The following ANKRD10 variants were observed in gnomAD, a reference collection of about 807,000 sequenced individuals.
ANKRD10 encodes the protein ankyrin repeat domain 10.
ANKRD10 carries 14 observed loss-of-function variants against 27.0 expected under a neutral mutation model. That is an observed-to-expected ratio of 0.52 (90% CI 0.34 to 0.81). ANKRD10 has a LOEUF of 0.81. Among genes scored for constraint, ANKRD10 ranks in the 40% least tolerant of loss-of-function variants. ANKRD10 has a pLI of 0.01. For missense variants in ANKRD10, 493 were observed against 544.0 expected, an observed-to-expected ratio of 0.91 and a Z score of 0.93; for synonymous variants, 250 against 224.5, an observed-to-expected ratio of 1.11 and a Z score of -1.01.
intron 4 of ANKRD10, among the ~76,000 whole-genome samples, chr13:110,886,717 A>G (rs1216368921): frequency 6.6e-6 from 1 of 152,130 alleles, no homozygotes; most frequent in Non-Finnish European, 1.5e-5. Context: ...ATTTAATTAC[A>G]CCTTGCATTT....
intron 4 of ANKRD10, among the ~76,000 whole-genome samples, chr13:110,890,322 T>A (rs2065040370): frequency 6.6e-6 from 1 of 152,068 alleles, no homozygotes; most frequent in African/African-American, 2.4e-5. Flanking sequence ...TGACTCCCAA[T>A]ACCCGACATC....
At position 110,907,010 on chromosome 13, in the gene ANKRD10, CAA is replaced by C. The variant is rs2065558536; in HGVS notation, c.364-888_364-887del. Among the ~76,000 whole-genome samples the C allele has an allele frequency of 3.3e-5, 5 of 152,104 alleles. No homozygotes were observed. The South Asian group carries it at 1.0e-3, about 32-fold the overall frequency. On this transcript the variant is annotated intron_variant, in intron 2 of 5. Coordinates refer to ENST00000267339, the MANE Select transcript of ANKRD10 (RefSeq NM_017664.4). ...GGGAAAGGCAATCAGACACAGCAAT[CAA>C]GAGAAGAAAGTGCTTTCCGGTGGAA...
At chr13:110,914,540 G>T in intron 1 of ANKRD10, 185 bp downstream of exon 1, 1 of 811,220 alleles carries the variant, frequency 1.2e-6, no homozygotes, top group Non-Finnish European at 1.6e-6. Context: ...CGGCTGCCCC[G>T]CCGCGACTCC....
At chr13:110,914,668 T>A in intron 1 of ANKRD10, 57 bp downstream of exon 1, 1 of 1,511,182 alleles carries the variant, frequency 6.6e-7, no homozygotes, top group Non-Finnish European at 8.9e-7. Flanking sequence ...AGACCCGCTT[T>A]CCCCGACTCC....
chr13:110,885,260 A>G (rs955852613), intron 4 of ANKRD10, among the ~76,000 whole-genome samples: 2 of 149,274 alleles, frequency 1.3e-5, no homozygotes, highest in African/African-American at 4.9e-5. Context: ...AAAGAGAGAG[A>G]AAAAAAAAAG....
At chr13:110,911,678 C>G (rs2065714845) in intron 1 of ANKRD10, 1 of 152,038 alleles carries the variant, frequency 6.6e-6, no homozygotes. Context: ...ACTCAGAAGG[C>G]TGAGACAGGA....
chr13:110,893,169 G>T lies in ANKRD10; in HGVS notation c.550C>A (p.His184Asn). 1 of 1,614,164 alleles carries T rather than the reference G, an allele frequency of 6.2e-7. No homozygotes were observed. The highest frequency in any genetic ancestry group is 1.1e-5 in the South Asian group (1 of 91,076). ...AQFLLNLQNCHLNHFYNNGIL... is the reference protein window; with the variant it reads ...AQFLLNLQNCNLNHFYNNGIL... The stretch of plus-strand genomic sequence containing the variant: ...CCATTGTTATAGAAATGGTTCAGAT[G>T]ACAATTCTGGAGGTTCAAGAGAAAC... The change falls in exon 4 of 6, where the codon CAT becomes AAT. Residue 184 changes from histidine (H) to asparagine (N), a missense_variant. His to Asn is a moderately conservative substitution (Grantham distance 68). Transcript: ENST00000267339.
chr13:110,893,995 C>G, intron 3 of ANKRD10: 1 of 735,462 alleles, frequency 1.4e-6, no homozygotes, highest in South Asian at 1.8e-5. Context: ...GCTAATAGTA[C>G]TAAAAAGGAA....
intron 5 of ANKRD10, among the ~76,000 whole-genome samples, chr13:110,881,694 T>C (rs2064823191): frequency 6.6e-6 from 1 of 152,232 alleles, no homozygotes; most frequent in Non-Finnish European, 1.5e-5. Flanking sequence ...TTTTCCTAGG[T>C]GACAAAACTC....
At chr13:110,885,608 G>C (rs943587235) in intron 4 of ANKRD10, among the ~76,000 whole-genome samples, 1 of 152,012 alleles carries the variant, frequency 6.6e-6, no homozygotes, top group African/African-American at 2.4e-5. Context: ...GGTGGTGGAA[G>C]AGCAGATCCC....
intron 4 of ANKRD10, among the ~76,000 whole-genome samples, chr13:110,885,660 G>A (rs1176576776): frequency 6.6e-6 from 1 of 152,190 alleles, no homozygotes; most frequent in Non-Finnish European, 1.5e-5. Context: ...GAGCCTTCAT[G>A]GCACGCAGAC....
chr13:110,911,038 A>C (rs1445247154), intron 1 of ANKRD10, among the ~76,000 whole-genome samples: 1 of 152,246 alleles, frequency 6.6e-6, no homozygotes, highest in African/African-American at 2.4e-5. Flanking sequence ...TTGTTTCCCT[A>C]CAATTGAATA....
At chr13:110,913,301 A>G (rs1371381690) in intron 1 of ANKRD10, among the ~76,000 whole-genome samples, 2 of 152,336 alleles carry the variant, frequency 1.3e-5, no homozygotes, top group East Asian at 3.9e-4. Context: ...GAGGGAGGAA[A>G]TCCTCAGATT....
At chr13:110,882,634 T>C (rs1229501449) in intron 5 of ANKRD10, among the ~76,000 whole-genome samples, 1 of 152,222 alleles carries the variant, frequency 6.6e-6, no homozygotes, top group African/African-American at 2.4e-5. Context: ...TTGTTATGGA[T>C]CTTTAGCTAA....
chr13:110,907,414 C>A (rs1322318283), intron 2 of ANKRD10, among the ~76,000 whole-genome samples: 1 of 152,156 alleles, frequency 6.6e-6, no homozygotes, highest in Non-Finnish European at 1.5e-5. Flanking sequence ...AACTGTGGGT[C>A]ACTTAGAAAA....
At chr13:110,888,525 T>G (rs866512330) in intron 4 of ANKRD10, among the ~76,000 whole-genome samples, 11 of 152,254 alleles carry the variant, frequency 7.2e-5, no homozygotes, top group Middle Eastern at 3.4e-3. Context: ...AGTGCTATAA[T>G]ATGTAACTAA....
intron 2 of ANKRD10, 37 bp downstream of exon 2, chr13:110,910,581 A>T (rs770128455): frequency 2.7e-5 from 44 of 1,608,882 alleles, no homozygotes; most frequent in Non-Finnish European, 3.5e-5. Context: ...AAAAAGAAAA[A>T]GCAAAAGCAA....
intron 4 of ANKRD10, among the ~76,000 whole-genome samples, chr13:110,885,423 C>T (rs552840424): frequency 4.8e-4 from 73 of 152,214 alleles, no homozygotes; most frequent in African/African-American, 1.7e-3. Flanking sequence ...TGGCGAGTGC[C>T]TGTAGTCCCA....
At chr13:110,880,235 G>T in intron 5 of ANKRD10, 123 bp from the exon 6 acceptor site, 1 of 845,546 alleles carries the variant, frequency 1.2e-6, no homozygotes, top group Non-Finnish European at 1.8e-6. Flanking sequence ...TTTTAAACCA[G>T]TTCTTTTTTC....
Sources: gnomAD v4.1 joint callset for allele counts (sites outside exome capture counted in the v4.1 genomes callset) on GRCh38, gnomAD v4.1.1 for gene constraint, MANE v1.5 for transcripts, NCBI Gene and HGNC (gene_info 2026-07-23, HGNC 2026-07-21) for gene names.